The following CEP83 variants were observed in gnomAD, a reference collection of about 807,000 sequenced individuals.
CEP83 encodes the protein centrosomal protein 83.
Under a neutral mutation model 101.9 loss-of-function variants are expected in CEP83, and 70 were observed. The ratio of observed to expected loss-of-function variants is 0.69; its 90% CI spans 0.57 to 0.84. The LOEUF (loss-of-function observed/expected upper bound fraction) is 0.84, where lower values mean the gene tolerates loss of function less well. Ranked by LOEUF, CEP83 falls within the 40% of genes least tolerant of loss-of-function variation. The pLI is 0.00. For missense variants in CEP83, 715 were observed against 787.2 expected, an observed-to-expected ratio of 0.91 and a Z score of 1.10; for synonymous variants, 264 against 267.9, an observed-to-expected ratio of 0.99 and a Z score of 0.14.
intron 11 of CEP83, among the ~76,000 whole-genome samples, chr12:94,360,103 T>A (rs1007911384): frequency 2.6e-5 from 4 of 152,074 alleles, no homozygotes; most frequent in African/African-American, 9.7e-5. Flanking sequence ...TTAAAAAAAA[T>A]TAGGTATAAA....
chr12:94,390,524 C>T (rs2062454889), intron 6 of CEP83, among the ~76,000 whole-genome samples: 1 of 152,124 alleles, frequency 6.6e-6, no homozygotes, highest in African/African-American at 2.4e-5. Flanking sequence ...GGGGAGAAAC[C>T]AGAGCAGAAA....
chr12:94,353,912 A>G (rs896698063), intron 11 of CEP83, among the ~76,000 whole-genome samples: 8 of 151,286 alleles, frequency 5.3e-5, no homozygotes, highest in Non-Finnish European at 7.4e-5. Flanking sequence ...TATATAATGG[A>G]AAAAAAAACC....
rs146353663 is a variant in CEP83, at chr12:94,407,785, G to C, written c.324+3912C>G. Among the ~76,000 whole-genome samples the C allele has an allele frequency of 4.3e-4, 66 of 152,106 alleles. No homozygotes were observed. The East Asian group carries it at 0.012, about 28-fold the overall frequency. On this transcript the variant is annotated intron_variant, in intron 4 of 16. Transcript: ENST00000397809. ...GAGGATTTTTCCCATCCCATTTTAG[G>C]AAAAAATATTCTCTCTTAGGCTACT...
downstream of CEP83, chr12:94,307,446 G>GCAAA (rs1454552932): frequency 2.0e-5 from 3 of 152,168 alleles, no homozygotes; most frequent in Admixed American, 6.5e-5. Context: ...GCAACAAATG[G>GCAAA]CAAACAATTT....
At chr12:94,340,947 C>A (rs1385150957) in intron 11 of CEP83, among the ~76,000 whole-genome samples, 10 of 152,136 alleles carry the variant, frequency 6.6e-5, no homozygotes, top group South Asian at 2.1e-4. Context: ...TCCAGGTGTC[C>A]CTGAAACCAG....
intron 2 of CEP83, among the ~76,000 whole-genome samples, chr12:94,420,084 T>G (rs753957055): frequency 3.3e-5 from 5 of 152,196 alleles, no homozygotes; most frequent in Non-Finnish European, 5.9e-5. Flanking sequence ...TCTTTTCAAT[T>G]ACTAATTTGT....
intron 2 of CEP83, among the ~76,000 whole-genome samples, chr12:94,416,590 T>C (rs2064292995): frequency 6.9e-6 from 1 of 144,238 alleles, no homozygotes; most frequent in East Asian, 2.0e-4. Flanking sequence ...AAAAAAACTG[T>C]AGTTCCACCC....
At chr12:94,268,726 C>G in the CEP83 span, among the ~76,000 whole-genome samples, 1 of 151,042 alleles carries the variant, frequency 6.6e-6, no homozygotes, top group African/African-American at 2.4e-5. Flanking sequence ...TCCCAAATAC[C>G]TGGGATTATA....
intron 14 of CEP83, among the ~76,000 whole-genome samples, chr12:94,313,377 T>C (rs567680425): frequency 1.3e-5 from 2 of 152,056 alleles, no homozygotes; most frequent in African/African-American, 2.4e-5. Flanking sequence ...AGCATGTGTT[T>C]AAGAGAACTG....
intron 8 of CEP83, among the ~76,000 whole-genome samples, chr12:94,372,803 T>C (rs1008704153): frequency 6.6e-6 from 1 of 152,230 alleles, no homozygotes; most frequent in African/African-American, 2.4e-5. Context: ...CAGTGGTATA[T>C]GCTCAAGCAA....
chr12:94,440,488 C>T (rs151040325), intron 1 of CEP83, among the ~76,000 whole-genome samples: 199 of 149,892 alleles, frequency 1.3e-3, no homozygotes, highest in African/African-American at 4.6e-3. Context: ...ACCAAGGAGG[C>T]GAAAAGACCT....
intron 2 of CEP83, among the ~76,000 whole-genome samples, chr12:94,426,289 T>C (rs529719653): frequency 6.6e-6 from 1 of 152,316 alleles, no homozygotes; most frequent in Non-Finnish European, 1.5e-5. Flanking sequence ...ATCTAGTGAA[T>C]TCCTATTCAG....
intron 4 of CEP83, chr12:94,407,861 C>G (rs1192017826): frequency 6.6e-6 from 1 of 152,388 alleles, no homozygotes; most frequent in African/African-American, 2.4e-5. Flanking sequence ...CTCTGTCGCC[C>G]AGGCTGGGGT....
chr12:94,279,456 G>A, the CEP83 span: 1 of 1,603,168 alleles, frequency 6.2e-7, no homozygotes, highest in Non-Finnish European at 8.5e-7. Context: ...TTGGAAACCT[G>A]TTTGTACTCT....
intron 11 of CEP83, among the ~76,000 whole-genome samples, chr12:94,353,619 A>G (rs893450226): frequency 2.6e-5 from 4 of 152,116 alleles, no homozygotes; most frequent in African/African-American, 4.8e-5. Context: ...ACATCCCCCA[A>G]TTAAGACATA....
the CEP83 span, among the ~76,000 whole-genome samples, chr12:94,292,499 GA>G: frequency 2.0e-5 from 3 of 152,092 alleles, no homozygotes; most frequent in Non-Finnish European, 2.9e-5. Flanking sequence ...CAAATTTTGT[GA>G]TTTTACAAGC....
intron 2 of CEP83, among the ~76,000 whole-genome samples, chr12:94,422,985 G>A (rs1002820565): frequency 3.3e-5 from 5 of 152,166 alleles, no homozygotes; most frequent in African/African-American, 1.2e-4. Flanking sequence ...TGGAATTGCT[G>A]GGTCATGGAG....
the CEP83 span, among the ~76,000 whole-genome samples, chr12:94,275,813 C>G: frequency 7.2e-6 from 1 of 138,046 alleles, no homozygotes; most frequent in African/African-American, 2.8e-5. Flanking sequence ...CGAGATCCCG[C>G]CACTGCACTC....
At chr12:94,329,744 C>T (rs2059125643) in intron 14 of CEP83, among the ~76,000 whole-genome samples, 1 of 152,108 alleles carries the variant, frequency 6.6e-6, no homozygotes, top group Non-Finnish European at 1.5e-5. Flanking sequence ...TAAAACAATC[C>T]TCTGAAATCC....
Sources: gnomAD v4.1 joint callset for allele counts (sites outside exome capture counted in the v4.1 genomes callset) on GRCh38, gnomAD v4.1.1 for gene constraint, MANE v1.5 for transcripts, NCBI Gene and HGNC (gene_info 2026-07-23, HGNC 2026-07-21) for gene names.